Variants in XKR6 observed in about 807,000 individuals in gnomAD.
XKR6 encodes XK related 6, also known as XK-related protein 6.
Under a neutral mutation model 56.7 loss-of-function variants are expected in XKR6, and 22 were observed. The observed-to-expected ratio is 0.39, with a 90% CI of 0.28 to 0.55. The LOEUF is 0.55. XKR6 is among the 20% of genes least tolerant of loss of function. XKR6 has a pLI of 0.66. For synonymous variants in XKR6, 524 were observed against 387.8 expected (o/e 1.35, Z -4.13); for missense variants, 852 against 889.0 (o/e 0.96, Z 0.53).
At chr8:11,114,463 G>C (rs1293819826) in intron 1 of XKR6, among the ~76,000 whole-genome samples, 3 of 152,162 alleles carry the variant, frequency 2.0e-5, no homozygotes, top group Non-Finnish European at 2.9e-5. Context: ...CTGGGTTCAA[G>C]CGATTCTCCT....
intron 1 of XKR6, among the ~76,000 whole-genome samples, chr8:11,171,967 C>T (rs1002653927): frequency 2.6e-5 from 4 of 151,790 alleles, no homozygotes; most frequent in African/African-American, 7.3e-5. Context: ...GCAAAAGAAT[C>T]GCTTGAACCC....
intron 1 of XKR6, among the ~76,000 whole-genome samples, chr8:11,095,869 T>C (rs932356454): frequency 3.3e-5 from 5 of 152,218 alleles, no homozygotes; most frequent in African/African-American, 1.2e-4. Context: ...TCAAAACACT[T>C]GCTGCCAATT....
intron 1 of XKR6, chr8:11,114,061 T>G (rs897293029): frequency 2.3e-6 from 1 of 441,504 alleles, no homozygotes. Flanking sequence ...CAACCTCATT[T>G]CAGGCTGAGG....
chr8:10,983,831 A>G (rs1350122286), intron 1 of XKR6, among the ~76,000 whole-genome samples: 1 of 151,444 alleles, frequency 6.6e-6, no homozygotes, highest in Non-Finnish European at 1.5e-5. Context: ...AATTTTTTGT[A>G]TTTTTCGTTG....
At chr8:11,080,282 T>C (rs1797671495) in intron 1 of XKR6, among the ~76,000 whole-genome samples, 1 of 152,166 alleles carries the variant, frequency 6.6e-6, no homozygotes. Context: ...CAGAGAGATC[T>C]CTTCTCACAC....
At chr8:10,910,364 TG>T (rs1800316532) in intron 2 of XKR6, among the ~76,000 whole-genome samples, 1 of 152,096 alleles carries the variant, frequency 6.6e-6, no homozygotes, top group Non-Finnish European at 1.5e-5. Flanking sequence ...TGAGAAGTGG[TG>T]GGTATCCTAA....
chr8:11,133,494 T>C (rs978777472), intron 1 of XKR6, among the ~76,000 whole-genome samples: 1 of 152,116 alleles, frequency 6.6e-6, no homozygotes, highest in African/African-American at 2.4e-5. Flanking sequence ...CCAAGACCTT[T>C]CGGAGTATGG....
intron 1 of XKR6, among the ~76,000 whole-genome samples, chr8:11,177,032 G>C (rs1802694281): frequency 6.6e-6 from 1 of 152,226 alleles, no homozygotes; most frequent in East Asian, 1.9e-4. Context: ...GGGAGGTAGA[G>C]TGTCCACTCT....
chr8:11,110,763 G>C (rs572595849), intron 1 of XKR6, among the ~76,000 whole-genome samples: 1 of 151,972 alleles, frequency 6.6e-6, no homozygotes, highest in Non-Finnish European at 1.5e-5. Flanking sequence ...CAATGGTCGA[G>C]AACACATTAG....
rs536913719 is a variant in XKR6 at position 10,973,286 on chromosome 8, G to A, written c.765-48456C>T. ...TGGACAGAGAGAAAATGCCACACTG[G>A]CCATTCCTCCAAGGTCAGTCATCAA... On this transcript the variant is annotated intron_variant, in intron 1 of 2. Coordinates refer to ENST00000416569, the MANE Select transcript of XKR6 (RefSeq NM_173683.4). Among the ~76,000 whole-genome samples the A allele has an allele frequency of 2.0e-5, 3 of 152,256 alleles. No individual in the cohort carries two copies. The South Asian group carries it at 6.2e-4, about 32-fold the overall frequency.
intron 1 of XKR6, among the ~76,000 whole-genome samples, chr8:11,164,099 GCACTACTTCCTACC>G: frequency 6.6e-6 from 1 of 152,304 alleles, no homozygotes; most frequent in Non-Finnish European, 1.5e-5. Flanking sequence ...GGCCAGGCCA[GCACTACTTCCTACC>G]CACTTCCCTT....
At chr8:11,188,819 C>A (rs1262227401) in intron 1 of XKR6, among the ~76,000 whole-genome samples, 1 of 152,178 alleles carries the variant, frequency 6.6e-6, no homozygotes. Flanking sequence ...CCACCTCTGC[C>A]AGCCCAGCCT....
rs532706736 is a variant in XKR6 at position 11,149,987 on chromosome 8, T to C, written c.764+50589A>G. The stretch of plus-strand genomic sequence containing the variant: ...AATAAGCCAGGCAAAGAAAGACAAA[T>C]ATTGCATGTACTCACATGTGGGAGC... On this transcript the variant is annotated intron_variant, in intron 1 of 2. Transcript: ENST00000416569. Among the ~76,000 whole-genome samples, 12 of 152,252 alleles carry C rather than the reference T, an allele frequency of 7.9e-5. No homozygotes were observed. The South Asian group carries it at 1.2e-3, about 16-fold the overall frequency.
intron 1 of XKR6, among the ~76,000 whole-genome samples, chr8:11,084,649 G>A (rs574155497): frequency 4.6e-5 from 7 of 152,304 alleles, no homozygotes; most frequent in Non-Finnish European, 1.0e-4. Flanking sequence ...GTCCAAGTCT[G>A]TTTGAGATAA....
At chr8:11,126,684 C>G (rs1799815442) in intron 1 of XKR6, among the ~76,000 whole-genome samples, 1 of 152,164 alleles carries the variant, frequency 6.6e-6, no homozygotes, top group Non-Finnish European at 1.5e-5. Context: ...ACAAAACAAT[C>G]TATTAATGAA....
chr8:11,056,580 G>T (rs1397345342), intron 1 of XKR6, among the ~76,000 whole-genome samples: 3 of 152,194 alleles, frequency 2.0e-5, no homozygotes, highest in Non-Finnish European at 2.9e-5. Flanking sequence ...CTGGCTGTCT[G>T]ACCCCAGCTT....
In XKR6 at chr8:11,101,140, A is replaced by G. The variant is rs541036474; in HGVS notation, c.764+99436T>C. Among the ~76,000 whole-genome samples, 46 of 152,392 alleles carry G rather than the reference A, an allele frequency of 3.0e-4. 1 individual carries two copies. In the South Asian group the frequency reaches 9.3e-3, roughly 31 times the overall value. On this transcript the variant is annotated intron_variant, in intron 1 of 2. Coordinates refer to ENST00000416569, the MANE Select transcript of XKR6 (RefSeq NM_173683.4). ...AATTCTAGTACTGTGCACCTCAGCT[A>G]CAGACATCCCAATTTTTGAAAGTGT...
chr8:11,047,382 A>T (rs1799436702), intron 1 of XKR6, among the ~76,000 whole-genome samples: 1 of 152,242 alleles, frequency 6.6e-6, no homozygotes, highest in Admixed American at 6.5e-5. Context: ...ATTTTTCATC[A>T]GGGATACCAT....
chr8:11,147,833 T>C (rs1329696940), intron 1 of XKR6, among the ~76,000 whole-genome samples: 1 of 152,114 alleles, frequency 6.6e-6, no homozygotes, highest in African/African-American at 2.4e-5. Context: ...AACTGACCCC[T>C]CCTAAAATTC....
Sources: allele counts gnomAD v4.1 joint callset (sites outside exome capture counted in the v4.1 genomes callset), GRCh38; gene constraint gnomAD v4.1.1; transcripts MANE v1.5; gene names NCBI Gene and HGNC (gene_info 2026-07-23, HGNC 2026-07-21).